FKBP15: variants seen among roughly 807,000 people sequenced by gnomAD.
The protein encoded by FKBP15 is FK506-binding protein 15.
FKBP15 carries 106 observed loss-of-function variants against 158.1 expected under a neutral mutation model. The ratio of observed to expected loss-of-function variants is 0.67; its 90% CI spans 0.57 to 0.79. FKBP15 has a LOEUF of 0.79. Among genes scored for constraint, FKBP15 ranks in the 30% least tolerant of loss-of-function variants. The pLI is 0.00. For synonymous variants in FKBP15, 547 were observed against 548.6 expected, an observed-to-expected ratio of 1.00 and a Z score of 0.04; for missense variants, 1,287 against 1,479.1, an observed-to-expected ratio of 0.87 and a Z score of 2.13.
intron 11 of FKBP15, among the ~76,000 whole-genome samples, chr9:113,192,391 T>C (rs922825707): frequency 2.0e-5 from 3 of 152,190 alleles, no homozygotes; most frequent in African/African-American, 7.2e-5. Context: ...GCTTTAGAAT[T>C]TGAAGTGCCT....
At chr9:113,195,173 CA>C (rs1172649309) in intron 9 of FKBP15, among the ~76,000 whole-genome samples, 1 of 151,882 alleles carries the variant, frequency 6.6e-6, no homozygotes, top group Admixed American at 6.6e-5. Context: ...TGATTTTTCA[CA>C]AAAAAAATTT....
Position 113,171,700 on chromosome 9 carries a change from C to G in FKBP15, c.2539G>C (p.Ala847Pro). Residue 847 changes from alanine (A) to proline (P), a missense_variant, in exon 24 of 28, where the codon GCC becomes CCC. Coordinates refer to ENST00000238256, the MANE Select transcript of FKBP15 (RefSeq NM_015258.2). Reference protein sequence around the residue: ...KLVQLQEKCLALQAQITALTK... With the variant: ...KLVQLQEKCLPLQAQITALTK... The stretch of plus-strand genomic sequence containing the variant: ...AGAGCTGTGATTTGGGCCTGGAGGG[C>G]TAAACACTGCAAAACAAACAGACTG... 1 of 1,587,624 alleles carries G rather than the reference C, an allele frequency of 6.3e-7. No homozygotes were observed. Among genetic ancestry groups the G allele is most frequent in the Non-Finnish European group, 8.6e-7 (1 of 1,167,474 alleles).
intron 27 of FKBP15, among the ~76,000 whole-genome samples, chr9:113,168,004 C>A (rs1339522343): frequency 6.6e-6 from 1 of 152,144 alleles, no homozygotes; most frequent in Non-Finnish European, 1.5e-5. Flanking sequence ...GGGGATTAGT[C>A]CTAGCTTTGC....
intron 4 of FKBP15, among the ~76,000 whole-genome samples, chr9:113,205,812 C>G (rs1199481849): frequency 6.6e-6 from 1 of 152,020 alleles, no homozygotes; most frequent in African/African-American, 2.4e-5. Context: ...GTGGTATATA[C>G]CTACAATGAA....
intron 5 of FKBP15, 38 bp from the exon 6 acceptor site, chr9:113,202,667 G>A (rs1291903974): frequency 6.8e-7 from 1 of 1,471,288 alleles, no homozygotes. Context: ...TCCACAAGCA[G>A]TATTATACCA....
intron 1 of FKBP15, among the ~76,000 whole-genome samples, chr9:113,213,391 G>A (rs527776540): frequency 2.0e-5 from 3 of 150,130 alleles, no homozygotes; most frequent in South Asian, 2.1e-4. Context: ...CCTAGGCAAC[G>A]AGAGCGAAAC....
intron 3 of FKBP15, 88 bp downstream of exon 3, chr9:113,207,124 G>T: frequency 3.9e-6 from 4 of 1,017,268 alleles, no homozygotes; most frequent in Non-Finnish European, 6.0e-6. Context: ...TAACCGTTTT[G>T]CAACAAACAG....
intron 12 of FKBP15, among the ~76,000 whole-genome samples, chr9:113,189,591 C>T (rs1830541186): frequency 6.6e-6 from 1 of 151,936 alleles, no homozygotes; most frequent in African/African-American, 2.4e-5. Context: ...TCCTATCTTC[C>T]TTTAAGATGT....
At chr9:113,171,329 G>A (rs1288770000) in intron 24 of FKBP15, among the ~76,000 whole-genome samples, 7 of 152,300 alleles carry the variant, frequency 4.6e-5, no homozygotes, top group East Asian at 1.9e-4. Flanking sequence ...AGGCGGCTGC[G>A]GCAGGAGAAT....
At chr9:113,215,795 G>A (rs574426683) in intron 1 of FKBP15, among the ~76,000 whole-genome samples, 3 of 150,984 alleles carry the variant, frequency 2.0e-5, no homozygotes, top group East Asian at 1.9e-4. Flanking sequence ...GATTACAGGC[G>A]TGCATCACCA....
chr9:113,165,337 C>A lies in FKBP15; in HGVS notation c.*741G>T, dbSNP rs146550780. The stretch of plus-strand genomic sequence containing the variant: ...ATCATGCCCCAGGGATGAGCTAGGA[C>A]TACAGTGGTGACTTTCTTTGAAAGC... On this transcript the variant is annotated 3_prime_UTR_variant, in exon 28 of 28. Coordinates refer to ENST00000238256, the MANE Select transcript of FKBP15 (RefSeq NM_015258.2). The A allele has an allele frequency of 9.8e-5, 15 of 152,336 alleles. No homozygotes were observed. The highest frequency in any genetic ancestry group is 6.8e-3 in the Middle Eastern group (2 of 294). The allele number at this position is 152,336 out of a possible 1,614,324, so 9.4% of individuals were successfully genotyped here. A position where few individuals can be genotyped will look rare whatever the true frequency, so the allele number is the denominator to read the frequency against.
Position 113,196,964 on chromosome 9 carries a change from A to G in FKBP15, c.832T>C (p.Ser278Pro), listed in dbSNP as rs1465900892. The change falls in exon 9 of 28, where the codon TCG becomes CCG. Residue 278 changes from serine to proline, a missense_variant. By Grantham distance (74) the Ser-to-Pro change is moderately conservative (BLOSUM62 -1). Transcript: ENST00000238256. ...GVIGWTQATD[S>P]ILVFEVEVRR... ...ACCTCCACCTCGAACACCAGGATCGAGTCCGTTGCTTGAGTCCAGCCTATT... is the reference window on the plus strand; with the variant it reads ...ACCTCCACCTCGAACACCAGGATCGGGTCCGTTGCTTGAGTCCAGCCTATT... The G allele has an allele frequency of 1.9e-6, 3 of 1,614,020 alleles. No homozygotes were observed. The East Asian group carries it at 6.7e-5, about 36-fold the overall frequency.
chr9:113,185,825 C>T (rs1830476183), intron 15 of FKBP15, among the ~76,000 whole-genome samples: 1 of 152,084 alleles, frequency 6.6e-6, no homozygotes, highest in South Asian at 2.1e-4. Context: ...AACAGAGTAG[C>T]TTTCATTAGA....
At chr9:113,213,072 A>T (rs759502370) in intron 1 of FKBP15, among the ~76,000 whole-genome samples, 9 of 152,142 alleles carry the variant, frequency 5.9e-5, no homozygotes, top group Non-Finnish European at 1.2e-4. Context: ...CATGGCTAAG[A>T]TCTATTACAA....
chr9:113,199,786 A>G (rs755709450), intron 7 of FKBP15, 28 bp downstream of exon 7: 80 of 1,601,778 alleles, frequency 5.0e-5, no homozygotes, highest in Non-Finnish European at 6.6e-5. Context: ...TAAGTTTACA[A>G]AAGAACTTGC....
At position 113,169,482 on chromosome 9, in the gene FKBP15, C is replaced by T; in HGVS notation, c.3227G>A (p.Gly1076Glu). ...TGCTACTTCCCTGACACAGACCTTT[C>T]CTGATGGGTTGTCGGGCTTAGCTGC... ...PMAAKPDNPS[G>E]KVCVREVAPD... Residue 1076 changes from glycine (G) to glutamate (E), a missense_variant, in exon 26 of 28, where the codon GGA becomes GAA. Gly to Glu is a moderately conservative substitution (Grantham distance 98). Coordinates refer to ENST00000238256, the MANE Select transcript of FKBP15 (RefSeq NM_015258.2). 1 of 1,614,026 alleles carries T rather than the reference C, an allele frequency of 6.2e-7. No homozygotes were observed. The highest frequency in any genetic ancestry group is 8.5e-7 in the Non-Finnish European group (1 of 1,179,898).
chr9:113,211,640 C>G, intron 1 of FKBP15, 48 bp from the exon 2 acceptor site: 1 of 1,395,416 alleles, frequency 7.2e-7, no homozygotes, highest in South Asian at 1.3e-5. Flanking sequence ...TATCCCAAAC[C>G]TGGAATTATT....
chr9:113,216,493 C>T (rs550252295), intron 1 of FKBP15, among the ~76,000 whole-genome samples: 3 of 152,220 alleles, frequency 2.0e-5, no homozygotes, highest in East Asian at 3.9e-4. Flanking sequence ...GTGAGAGCAG[C>T]GCTGGCCTAA....
intron 27 of FKBP15, among the ~76,000 whole-genome samples, chr9:113,167,346 C>G (rs1421367570): frequency 6.6e-6 from 1 of 152,074 alleles, no homozygotes; most frequent in Non-Finnish European, 1.5e-5. Flanking sequence ...GTACTAATAC[C>G]AATAATATGC....
Sources: allele counts gnomAD v4.1 joint callset (sites outside exome capture counted in the v4.1 genomes callset), GRCh38; gene constraint gnomAD v4.1.1; transcripts MANE v1.5; gene names NCBI Gene and HGNC (gene_info 2026-07-23, HGNC 2026-07-21).